The following ALKBH7 variants were observed in gnomAD, a reference collection of about 807,000 sequenced individuals.
ALKBH7 encodes the protein alkB homolog 7, RNA demethylase.
In ALKBH7, 21 loss-of-function variants were observed where a neutral mutation model predicts 19.3. That is an observed-to-expected ratio of 1.09 (90% CI 0.77 to 1.56). The LOEUF (loss-of-function observed/expected upper bound fraction) is 1.56. Among genes scored for constraint, ALKBH7 ranks in the 40% most tolerant of loss-of-function variants. ALKBH7 has a pLI of 0.00. For missense variants in ALKBH7, 354 were observed against 311.4 expected (o/e 1.14, Z -1.03); for synonymous variants, 147 against 139.5 (o/e 1.05, Z -0.38).
chr19:6,374,580 A>G lies in ALKBH7; in HGVS notation c.494A>G (p.Tyr165Cys). 1 of 1,613,030 alleles carries G rather than the reference A, an allele frequency of 6.2e-7. No homozygotes were observed. Reference sequence around the variant, plus strand: ...CTCTTGCTGGAGCCGGGCTCCCTCTACATCCTTAGGTACCTCCATCCAGGC... The same window carrying G: ...CTCTTGCTGGAGCCGGGCTCCCTCTGCATCCTTAGGTACCTCCATCCAGGC... Reference protein sequence around the residue: ...LELLLEPGSLYILRGSARYDF... With the variant: ...LELLLEPGSLCILRGSARYDF... The change falls in exon 3 of 4, where the codon TAC becomes TGC. Residue 165 changes from tyrosine to cysteine, a missense_variant. Physicochemically the swap from Tyr to Cys is radical, Grantham distance 194. Transcript: ENST00000245812.
At chr19:6,373,311 C>T (rs1390125042) in intron 1 of ALKBH7, among the ~76,000 whole-genome samples, 3 of 43,658 alleles carry the variant, frequency 6.9e-5, no homozygotes, top group African/African-American at 9.4e-5. Flanking sequence ...GGAGACAGCG[C>T]AGGGATGGGG....
chr19:6,373,980 C>T (rs1255889082), intron 1 of ALKBH7: 3 of 985,070 alleles, frequency 3.0e-6, no homozygotes, highest in Non-Finnish European at 3.6e-6. Flanking sequence ...AATGCTGGGG[C>T]CGGGCCAGCA....
intron 1 of ALKBH7, 21 bp from the exon 2 acceptor site, chr19:6,374,182 T>G: frequency 6.2e-7 from 1 of 1,605,262 alleles, no homozygotes; most frequent in Non-Finnish European, 8.5e-7. Flanking sequence ...GCTCCCAGGC[T>G]TAACCGAGCT....
At chr19:6,373,788 G>C (rs1473724743) in intron 1 of ALKBH7, 13 of 1,289,590 alleles carry the variant, frequency 1.0e-5, no homozygotes, top group Non-Finnish European at 2.9e-6. Context: ...GTGGGGGCTG[G>C]GCTGAAACTC....
Position 6,374,539 on chromosome 19 carries a change from G to C in ALKBH7, c.453G>C (p.Pro151=). 1 of 1,613,936 alleles carries C rather than the reference G, an allele frequency of 6.2e-7. No homozygotes were observed. The highest frequency in any genetic ancestry group is 8.5e-7 in the Non-Finnish European group (1 of 1,179,956). Residue 151 remains proline (P), a synonymous_variant, in exon 3 of 4, where the codon CCG becomes CCC. Coordinates refer to ENST00000245812, the MANE Select transcript of ALKBH7 (RefSeq NM_032306.4). ...SVMRLVHTQE[P]GEWLELLLEP... ...TGCGGCTGGTGCACACCCAGGAGCCGGGGGAGTGGCTGGAACTCTTGCTGG... is the reference window on the plus strand; with the variant it reads ...TGCGGCTGGTGCACACCCAGGAGCCCGGGGAGTGGCTGGAACTCTTGCTGG...
rs748269273 is a variant in ALKBH7 at position 6,374,957 on chromosome 19, C to T, written c.650C>T (p.Pro217Leu). 8.8e-6 allele frequency: 14 copies of T among 1,597,648 alleles called. No homozygotes were observed. The highest frequency in any genetic ancestry group is 3.4e-5 in the Admixed American group (2 of 58,436). The change falls in exon 4 of 4, where the codon CCG (proline) becomes CTG (leucine). Residue 217 changes from proline to leucine, a missense_variant. Coordinates refer to ENST00000245812, the MANE Select transcript of ALKBH7 (RefSeq NM_032306.4). The part of the protein sequence containing the change: ...EGMGPGESGQ[P>L]PPAC The stretch of plus-strand genomic sequence containing the variant: ...ATGGGGCCAGGGGAGTCTGGACAGC[C>T]GCCCCCAGCCTGCTGACCCCCAGCT...
chr19:6,372,933 G>A lies in ALKBH7; in HGVS notation c.113G>A (p.Gly38Asp), dbSNP rs2091898041. 1 of 1,567,262 alleles carries A rather than the reference G, an allele frequency of 6.4e-7. No individual in the cohort carries two copies. The highest frequency in any genetic ancestry group is 8.6e-7 in the Non-Finnish European group (1 of 1,159,126). The change falls in exon 1 of 4, where the codon GGC becomes GAC. Residue 38 changes from glycine (G) to aspartate (D), a missense_variant. Gly to Asp is a moderately conservative substitution (Grantham distance 94). Transcript: ENST00000245812. ...CAGGACGCGGCCGTGGTGCGGCCTG[G>A]CTTCCTGAGCACGGCAGAGGAGGAG... ...RLQDAAVVRP[G>D]FLSTAEEETL... is the part of the protein sequence containing the mutation.
At chr19:6,373,660 C>T in intron 1 of ALKBH7, 2 of 1,205,476 alleles carry the variant, frequency 1.7e-6, no homozygotes, top group Non-Finnish European at 1.0e-6. Context: ...ACGGGGAAGT[C>T]GAGGTTTAGA....
In ALKBH7 at chr19:6,374,144, T is replaced by G. The variant is rs74998035; in HGVS notation, c.205-59T>G. 0.081 allele frequency: 127,813 copies of G among 1,587,428 alleles called. 5,892 individuals carry two copies. The highest frequency in any genetic ancestry group is 0.095 in the Non-Finnish European group (110,968 of 1,171,526). On this transcript the variant is annotated intron_variant, in intron 1 of 3. Coordinates refer to ENST00000245812, the MANE Select transcript of ALKBH7 (RefSeq NM_032306.4). ...CCCCTTGCCGTTTTCTGCCCCTCCT[T>G]GCCTCAGTTTCCTTGTTCCCTCTGG...
At position 6,374,219 on chromosome 19, in the gene ALKBH7, G is replaced by C; in HGVS notation, c.221G>C (p.Arg74Pro). 2 of 1,613,070 alleles carry C rather than the reference G, an allele frequency of 1.2e-6. No homozygotes were observed. Among genetic ancestry groups the C allele is most frequent in the Non-Finnish European group, 1.7e-6 (2 of 1,179,730 alleles). Residue 74 changes from arginine to proline, a missense_variant, in exon 2 of 4, where the codon CGA becomes CCA. Arg to Pro is a moderately radical substitution (Grantham distance 103). Coordinates refer to ENST00000245812, the MANE Select transcript of ALKBH7 (RefSeq NM_032306.4). ...DHWDAAIHGF[R>P]ETEKSRWSEA... The stretch of plus-strand genomic sequence containing the variant: ...TCTGTGCAGGCCATCCACGGCTTCC[G>C]AGAGACAGAGAAGTCGCGCTGGTCA...
At position 6,374,453 on chromosome 19, in the gene ALKBH7, C is replaced by T; in HGVS notation, c.379-12C>T. ...GGTTAGATCCTGACCCATCCCCACG[C>T]CTCTTTTGCAGTTCTGCGGGGCCAC... On this transcript the variant is annotated splice_polypyrimidine_tract_variant and intron_variant, in intron 2 of 3. Transcript: ENST00000245812. 6.2e-7 allele frequency: 1 copy of T among 1,612,882 alleles called. No homozygotes were observed. Among genetic ancestry groups the T allele is most frequent in the Middle Eastern group, 1.7e-4 (1 of 6,042 alleles).
At chr19:6,373,535 G>A in intron 1 of ALKBH7, 6 of 777,128 alleles carry the variant, frequency 7.7e-6, no homozygotes, top group Non-Finnish European at 1.1e-5. Context: ...AGAACGTGGC[G>A]GCTGGGATTG....
rs750821306 is a variant in ALKBH7 at position 6,374,379 on chromosome 19, G to A, written c.378+3G>A. On this transcript the variant is annotated splice_donor_region_variant and intron_variant, in intron 2 of 3. Transcript: ENST00000245812. ...AGCCCCACGTGGACAGCATCAAGGTGGGCAGAGGACGGTGCCTTGGCACTC... is the reference window on the plus strand; with the variant it reads ...AGCCCCACGTGGACAGCATCAAGGTAGGCAGAGGACGGTGCCTTGGCACTC... 4 of 1,606,914 alleles carry A rather than the reference G, an allele frequency of 2.5e-6. No individual in the cohort carries two copies. Among genetic ancestry groups the A allele is most frequent in the Admixed American group, 3.4e-5 (2 of 58,840 alleles).
chr19:6,372,871 G>A lies in ALKBH7; in HGVS notation c.51G>A (p.Trp17Ter), dbSNP rs369925070. The part of the protein sequence containing the change: ...LALRTLPGPS[W>*]VRGSGPSVLS... ...TGCGGACGCTGCCAGGGCCCAGCTG[G>A]GTGCGAGGCTCGGGCCCTTCCGTGC... is the stretch of plus-strand genomic sequence containing the variant. Residue 17 changes from tryptophan to a stop codon, truncating the protein, a stop_gained, in exon 1 of 4, where the codon TGG (tryptophan) becomes TGA (stop). Coordinates refer to ENST00000245812, the MANE Select transcript of ALKBH7 (RefSeq NM_032306.4). LOFTEE classifies it high-confidence loss of function. 67 of 1,550,854 alleles carry A rather than the reference G, an allele frequency of 4.3e-5. No homozygotes were observed. The African/African-American group carries it at 8.3e-4, about 19-fold the overall frequency.
Position 6,374,278 on chromosome 19 carries a change from G to T in ALKBH7, c.280G>T (p.Ala94Ser). 6.2e-7 allele frequency: 1 copy of T among 1,613,234 alleles called. No homozygotes were observed. Among genetic ancestry groups the T allele is most frequent in the Non-Finnish European group, 8.5e-7 (1 of 1,179,772 alleles). The change falls in exon 2 of 4, where the codon GCG (alanine) becomes TCG (serine). Residue 94 changes from alanine to serine, a missense_variant. Coordinates refer to ENST00000245812, the MANE Select transcript of ALKBH7 (RefSeq NM_032306.4). ...ASRAILQRVQ[A>S]AAFGPGQTLL... Reference sequence around the variant, plus strand: ...CCGGGCCATCCTGCAGCGCGTGCAGGCGGCCGCCTTTGGCCCCGGCCAGAC... The same window carrying T: ...CCGGGCCATCCTGCAGCGCGTGCAGTCGGCCGCCTTTGGCCCCGGCCAGAC...
At position 6,374,178 on chromosome 19, in the gene ALKBH7, A is replaced by G. The variant is rs764069862; in HGVS notation, c.205-25A>G. The G allele has an allele frequency of 3.7e-6, 6 of 1,602,232 alleles. No homozygotes were observed. The South Asian group carries it at 4.4e-5, about 12-fold the overall frequency. ...TTCCTTGTTCCCTCTGGGAGCTCCC[A>G]GGCTTAACCGAGCTCTCTGTGCAGG... is the stretch of plus-strand genomic sequence containing the variant. On this transcript the variant is annotated intron_variant, in intron 1 of 3. Transcript: ENST00000245812.
chr19:6,372,794 C>T lies in ALKBH7; in HGVS notation c.-27C>T. On this transcript the variant is annotated 5_prime_UTR_variant, in exon 1 of 4. Coordinates refer to ENST00000245812, the MANE Select transcript of ALKBH7 (RefSeq NM_032306.4). ...TGGCGGGGGCGTTCCCCAACCCTGCCCTCTCTCATGACCCCGCTCCGGGAT... is the reference window on the plus strand; with the variant it reads ...TGGCGGGGGCGTTCCCCAACCCTGCTCTCTCTCATGACCCCGCTCCGGGAT... 7.2e-6 allele frequency: 11 copies of T among 1,534,482 alleles called. No individual in the cohort carries two copies. The highest frequency in any genetic ancestry group is 9.6e-6 in the Non-Finnish European group (11 of 1,146,312).
rs747154838 is a variant in ALKBH7, at chr19:6,374,307, G to A, written c.309G>A (p.Leu103=). 1.2e-6 allele frequency: 2 copies of A among 1,612,932 alleles called. No homozygotes were observed. Among genetic ancestry groups the A allele is most frequent in the Non-Finnish European group, 8.5e-7 (1 of 1,179,776 alleles). ...CCGCCTTTGGCCCCGGCCAGACCCT[G>A]CTCTCCTCCGTGCACGTGCTGGACC... ...QAAAFGPGQT[L]LSSVHVLDLE... is the part of the protein sequence containing the mutation. Residue 103 remains leucine, a synonymous_variant, in exon 2 of 4, where the codon CTG becomes CTA. Coordinates refer to ENST00000245812, the MANE Select transcript of ALKBH7 (RefSeq NM_032306.4).
In ALKBH7 at chr19:6,374,920, C is replaced by G. The variant is rs758871414; in HGVS notation, c.613C>G (p.Leu205Val). Residue 205 changes from leucine (L) to valine (V), a missense_variant, in exon 4 of 4, where the codon CTC (leucine) becomes GTC (valine). By Grantham distance (32) the Leu-to-Val change is conservative. Coordinates refer to ENST00000245812, the MANE Select transcript of ALKBH7 (RefSeq NM_032306.4). ...GRRISVICRS[L>V]PEGMGPGESG... ...GCGCATCTCCGTGATCTGCCGCTCC[C>G]TCCCTGAGGGCATGGGGCCAGGGGA... 6.2e-7 allele frequency: 1 copy of G among 1,613,852 alleles called. No homozygotes were observed. Among genetic ancestry groups the G allele is most frequent in the Admixed American group, 1.7e-5 (1 of 60,014 alleles).
Sources: allele counts gnomAD v4.1 joint callset (sites outside exome capture counted in the v4.1 genomes callset), GRCh38; gene constraint gnomAD v4.1.1; transcripts MANE v1.5; gene names NCBI Gene and HGNC (gene_info 2026-07-23, HGNC 2026-07-21).